RAB11FIP1: variants seen among roughly 807,000 people sequenced by gnomAD.
RAB11FIP1 encodes RAB11 family interacting protein 1, also known as rab11 family-interacting protein 1.
Under a neutral mutation model 83.1 loss-of-function variants are expected in RAB11FIP1, and 49 were observed. That is an observed-to-expected ratio of 0.59 (90% CI 0.47 to 0.75). The LOEUF is 0.75. Among genes scored for constraint, RAB11FIP1 ranks in the 30% least tolerant of loss-of-function variants. The pLI is 0.00. For missense variants in RAB11FIP1, 1,536 were observed against 1,598.7 expected (o/e 0.96, Z 0.67); for synonymous variants, 670 against 656.0 (o/e 1.02, Z -0.33).
At chr8:37,876,254 GAAGGAAGGAAGA>G (rs1563369860) in intron 2 of RAB11FIP1, among the ~76,000 whole-genome samples, 2 of 143,526 alleles carry the variant, frequency 1.4e-5, no homozygotes, top group African/African-American at 5.8e-5. Context: ...AGGAAGGAAG[GAAGGAAGGAAGA>G]AAGAAGGAAA....
At position 37,860,440 on chromosome 8, in the gene RAB11FIP1, C is replaced by G. The variant is rs564884609; in HGVS notation, c.*2455G>C. The G allele has an allele frequency of 6.6e-6, 1 of 152,326 alleles. No individual in the cohort carries two copies. The highest frequency in any genetic ancestry group is 1.9e-4 in the East Asian group (1 of 5,186). 9.4% of individuals were successfully genotyped at this position (152,326 alleles called of 1,614,324 possible). Reference sequence around the variant, plus strand: ...CACTGCAACCTCCACCTCCCTGGCTCAAGCGATTCTTGTGCCTCAGCCTCC... The same window carrying G: ...CACTGCAACCTCCACCTCCCTGGCTGAAGCGATTCTTGTGCCTCAGCCTCC... On this transcript the variant is annotated 3_prime_UTR_variant, in exon 6 of 6. Coordinates refer to ENST00000330843, the MANE Select transcript of RAB11FIP1 (RefSeq NM_001002814.3).
At chr8:37,867,293 G>A (rs1806358509) in intron 5 of RAB11FIP1, among the ~76,000 whole-genome samples, 1 of 152,228 alleles carries the variant, frequency 6.6e-6, no homozygotes, top group African/African-American at 2.4e-5. Flanking sequence ...CAGGCAAGCT[G>A]GTTGACATAT....
chr8:37,871,590 C>T lies in RAB11FIP1; in HGVS notation c.3212G>A (p.Gly1071Asp). The change falls in exon 4 of 6, where the codon GGT becomes GAT. Residue 1071 changes from glycine (G) to aspartate (D), a missense_variant. Transcript: ENST00000330843. Reference protein sequence around the residue: ...SLDKQLPGPSGGEEEKPMGNG... With the variant: ...SLDKQLPGPSDGEEEKPMGNG... ...TCCCATCGGTTTTTCTTCCTCACCA[C>T]CACTGGGGCCTGGCAGCTGTTTATC... is the stretch of plus-strand genomic sequence containing the variant. 6 of 1,601,658 alleles carry T rather than the reference C, an allele frequency of 3.7e-6. No homozygotes were observed. Among genetic ancestry groups the T allele is most frequent in the Non-Finnish European group, 3.4e-6 (4 of 1,171,852 alleles).
In RAB11FIP1 at chr8:37,877,228, G is replaced by A. The variant is rs1235701609; in HGVS notation, c.695C>T (p.Ser232Phe). Residue 232 changes from serine (S) to phenylalanine (F), a missense_variant, in exon 2 of 6, where the codon TCC becomes TTC. Physicochemically the swap from Ser to Phe is radical, Grantham distance 155 (BLOSUM62 -2). Transcript: ENST00000330843. Reference protein sequence around the residue: ...SKSNLQKTPLSQSMSVLPTSK... With the variant: ...SKSNLQKTPLFQSMSVLPTSK... ...AGTCGGCAGGACAGACATGGACTGGGAAAGAGGCGTCTTCTGCAAATTTGA... is the reference window on the plus strand; with the variant it reads ...AGTCGGCAGGACAGACATGGACTGGAAAAGAGGCGTCTTCTGCAAATTTGA... 2.5e-6 allele frequency: 4 copies of A among 1,614,060 alleles called. No homozygotes were observed. Among genetic ancestry groups the A allele is most frequent in the East Asian group, 2.2e-5 (1 of 44,888 alleles).
rs1269521393 is a variant in RAB11FIP1 at position 37,861,877 on chromosome 8, C to A, written c.*1018G>T. The A allele has an allele frequency of 4.2e-6, 1 of 235,392 alleles. No homozygotes were observed. Among genetic ancestry groups the A allele is most frequent in the Non-Finnish European group, 8.5e-6 (1 of 116,980 alleles). 14.6% of individuals were successfully genotyped at this position (235,392 alleles called of 1,614,324 possible). A position where few individuals can be genotyped will look rare whatever the true frequency, so the allele number is the denominator to read the frequency against. On this transcript the variant is annotated 3_prime_UTR_variant, in exon 6 of 6. Coordinates refer to ENST00000330843, the MANE Select transcript of RAB11FIP1 (RefSeq NM_001002814.3). ...GTGCTGGGATTACAGGCATGAGCCA[C>A]CACGACTGGCCTGAAGGGGCTTCTT...
At chr8:37,891,748 T>G (rs575554890) in intron 1 of RAB11FIP1, among the ~76,000 whole-genome samples, 1 of 152,282 alleles carries the variant, frequency 6.6e-6, no homozygotes, top group South Asian at 2.1e-4. Context: ...AATTTTTTTT[T>G]CATTTATGGG....
intron 5 of RAB11FIP1, among the ~76,000 whole-genome samples, chr8:37,865,315 C>CTTTTTTTTT (rs11407439): frequency 7.0e-6 from 1 of 142,934 alleles, no homozygotes. Flanking sequence ...TCCTGGGATT[C>CTTTTTTTTT]TTTTTTTTTT....
intron 1 of RAB11FIP1, among the ~76,000 whole-genome samples, chr8:37,888,011 C>T (rs916205628): frequency 5.3e-5 from 8 of 152,320 alleles, no homozygotes; most frequent in Admixed American, 3.9e-4. Flanking sequence ...CCTAACTTAT[C>T]GACCAAATAT....
At chr8:37,886,616 T>C (rs1446086485) in intron 1 of RAB11FIP1, among the ~76,000 whole-genome samples, 2 of 152,172 alleles carry the variant, frequency 1.3e-5, no homozygotes, top group African/African-American at 4.8e-5. Context: ...TCCTGACTTA[T>C]AGCATGAGTC....
At chr8:37,882,129 C>T (rs770036943) in intron 1 of RAB11FIP1, among the ~76,000 whole-genome samples, 1 of 152,144 alleles carries the variant, frequency 6.6e-6, no homozygotes, top group Non-Finnish European at 1.5e-5. Flanking sequence ...GGGGTTTCTC[C>T]ACAGCTCTTC....
At chr8:37,880,490 G>T (rs1183580178) in intron 1 of RAB11FIP1, among the ~76,000 whole-genome samples, 2 of 151,936 alleles carry the variant, frequency 1.3e-5, no homozygotes. Context: ...GTAGAGACAG[G>T]GTATGGTTAG....
At chr8:37,884,042 TTTTATTTA>T (rs74283501) in intron 1 of RAB11FIP1, among the ~76,000 whole-genome samples, 22 of 151,532 alleles carry the variant, frequency 1.5e-4, no homozygotes, top group East Asian at 3.9e-4. Flanking sequence ...AGTGACATAA[TTTTATTTA>T]TTTATTTATT....
chr8:37,886,559 C>T (rs1462831559), intron 1 of RAB11FIP1, among the ~76,000 whole-genome samples: 3 of 152,158 alleles, frequency 2.0e-5, no homozygotes, highest in African/African-American at 4.8e-5. Flanking sequence ...GTTTGGACTC[C>T]GGGTTCGGTG....
chr8:37,886,004 C>T (rs2130180009), intron 1 of RAB11FIP1, among the ~76,000 whole-genome samples: 1 of 152,344 alleles, frequency 6.6e-6, no homozygotes, highest in Non-Finnish European at 1.5e-5. Flanking sequence ...TGGTAAAGGA[C>T]TGACTGGTAT....
At chr8:37,867,833 T>C (rs1463049756) in intron 5 of RAB11FIP1, among the ~76,000 whole-genome samples, 2 of 152,176 alleles carry the variant, frequency 1.3e-5, no homozygotes, top group Non-Finnish European at 2.9e-5. Flanking sequence ...AATCATCAGT[T>C]ATGATTACTT....
chr8:37,887,530 CAA>C (rs572127005), intron 1 of RAB11FIP1, among the ~76,000 whole-genome samples: 22 of 74,876 alleles, frequency 2.9e-4, no homozygotes, highest in Admixed American at 3.1e-4. Flanking sequence ...GACGCCATCT[CAA>C]AAAAAAAAAA....
chr8:37,898,222 C>A (rs1807132052), intron 1 of RAB11FIP1, among the ~76,000 whole-genome samples: 1 of 152,232 alleles, frequency 6.6e-6, no homozygotes, highest in Non-Finnish European at 1.5e-5. Context: ...GATTCAAAAG[C>A]GCCCCAGGCC....
rs556300619 is a variant in RAB11FIP1, at chr8:37,877,866, C to T, written c.372-315G>A. 390 of 209,828 alleles carry T rather than the reference C, an allele frequency of 1.9e-3. 2 individuals are homozygous for T. Among genetic ancestry groups the T allele is most frequent in the African/African-American group, 8.5e-3 (365 of 43,074 alleles). The allele number at this position is 209,828 out of a possible 1,614,324, so 13.0% of individuals were successfully genotyped here. ...TCCTGAGTAGCTGAGATTACAGGAG[C>T]GCGTGACCATGTCCAGCTAATTTTT... is the stretch of plus-strand genomic sequence containing the variant. On this transcript the variant is annotated intron_variant, in intron 1 of 5. Coordinates refer to ENST00000330843, the MANE Select transcript of RAB11FIP1 (RefSeq NM_001002814.3).
chr8:37,873,537 T>G (rs1220714922), intron 3 of RAB11FIP1, among the ~76,000 whole-genome samples: 3 of 151,020 alleles, frequency 2.0e-5, no homozygotes, highest in Admixed American at 2.0e-4. Context: ...ACCTGGGAGG[T>G]GGAGGTTGCA....
Sources: gnomAD v4.1 joint callset for allele counts (sites outside exome capture counted in the v4.1 genomes callset) on GRCh38, gnomAD v4.1.1 for gene constraint, MANE v1.5 for transcripts, NCBI Gene and HGNC (gene_info 2026-07-23, HGNC 2026-07-21) for gene names.